Variants in MACF1 observed in about 807,000 individuals in gnomAD.
The protein encoded by MACF1 is microtubule actin crosslinking factor 1.
A neutral mutation model predicts 854.8 loss-of-function variants in MACF1; 193 were observed. The observed-to-expected ratio is 0.23, with a 90% confidence interval of 0.20 to 0.25. MACF1 has a LOEUF of 0.25. Ranked by LOEUF, MACF1 falls within the 10% of genes least tolerant of loss-of-function variation. The pLI is 1.00. For missense variants in MACF1, 7,722 were observed against 8,929.1 expected, an observed-to-expected ratio of 0.86 and a Z score of 5.45; for synonymous variants, 3,185 against 3,226.7, an observed-to-expected ratio of 0.99 and a Z score of 0.44.
intron 2 of MACF1, among the ~76,000 whole-genome samples, chr1:39,197,336 AAATT>A (rs1234025854): frequency 6.6e-6 from 1 of 152,166 alleles, no homozygotes; most frequent in Non-Finnish European, 1.5e-5. Flanking sequence ...TTATGAGAAT[AAATT>A]ACTTTGGTTA....
chr1:39,440,813 C>T (rs1644099806), intron 72 of MACF1, among the ~76,000 whole-genome samples, 190 bp from the exon 73 acceptor site: 1 of 151,958 alleles, frequency 6.6e-6, no homozygotes, highest in Non-Finnish European at 1.5e-5. Context: ...ATACATATAC[C>T]TATATGTAAT....
intron 58 of MACF1, chr1:39,412,227 T>C: frequency 6.2e-7 from 1 of 1,614,020 alleles, no homozygotes; most frequent in South Asian, 1.1e-5. Flanking sequence ...CCTTCAGTTT[T>C]GCTTTTAATC....
intron 2 of MACF1, among the ~76,000 whole-genome samples, chr1:39,129,728 C>T (rs1333281659): frequency 1.3e-5 from 2 of 152,154 alleles, no homozygotes; most frequent in African/African-American, 4.8e-5. Context: ...CCTGCTAACT[C>T]CTTTTGCCCC....
At chr1:39,479,772 T>TCA in intron 97 of MACF1, 26 bp from the exon 98 acceptor site, 1 of 1,581,060 alleles carries the variant, frequency 6.3e-7, no homozygotes, top group Non-Finnish European at 8.7e-7. Context: ...GAACTGACAT[T>TCA]GTGTGTGTGT....
At position 39,440,999 on chromosome 1, in the gene MACF1, G is replaced by A; in HGVS notation, c.18448-4G>A. The A allele has an allele frequency of 6.2e-7, 1 of 1,614,116 alleles. No individual in the cohort carries two copies. On this transcript the variant is annotated splice_region_variant and splice_polypyrimidine_tract_variant and intron_variant, in intron 72 of 100. Transcript: ENST00000564288. ...TGGCTTATATTCTATTCGTTTACAT[G>A]TAGACTATTAAGGAAGAGACAGATG...
chr1:39,408,406 C>T (rs868028975), intron 58 of MACF1, among the ~76,000 whole-genome samples: 24 of 152,136 alleles, frequency 1.6e-4, no homozygotes, highest in African/African-American at 5.6e-4. Context: ...GAGTGTTCTT[C>T]GGTCCGGCAA....
At chr1:39,417,205 T>A (rs958852253) in intron 58 of MACF1, among the ~76,000 whole-genome samples, 1 of 152,146 alleles carries the variant, frequency 6.6e-6, no homozygotes, top group African/African-American at 2.4e-5. Flanking sequence ...ACAACAGAGT[T>A]TGGTAGAACT....
chr1:39,344,129 GA>G (rs922184590), intron 40 of MACF1, among the ~76,000 whole-genome samples: 3 of 140,234 alleles, frequency 2.1e-5, no homozygotes, highest in African/African-American at 5.3e-5. Flanking sequence ...AAAAAAAAAA[GA>G]AAAAAAGTTT....
At position 39,322,639 on chromosome 1, in the gene MACF1, C is replaced by G. The variant is rs1237174888; in HGVS notation, c.4061C>G (p.Ala1354Gly). ...DYELQLMTYK[A>G]FVESQQKSPG... ...GAATTGCAACTGATGACATACAAGGCCTTTGTGGAATCGCAGCAGAAATCC... is the reference window on the plus strand; with the variant it reads ...GAATTGCAACTGATGACATACAAGGGCTTTGTGGAATCGCAGCAGAAATCC... Residue 1354 changes from alanine to glycine, a missense_variant, in exon 32 of 101, where the codon GCC becomes GGC. Ala to Gly is a moderately conservative substitution (Grantham distance 60). This residue lies in a region of MACF1 where 1,137 missense variants were observed against 1,263.0 expected (regional missense o/e 0.90). Coordinates refer to ENST00000564288, the MANE Select transcript of MACF1 (RefSeq NM_001394062.1). 1.2e-6 allele frequency: 2 copies of G among 1,613,974 alleles called. No homozygotes were observed. Among genetic ancestry groups the G allele is most frequent in the Non-Finnish European group, 1.7e-6 (2 of 1,179,984 alleles).
intron 2 of MACF1, among the ~76,000 whole-genome samples, chr1:39,115,103 G>A (rs1241547634): frequency 6.6e-6 from 1 of 152,130 alleles, no homozygotes; most frequent in Non-Finnish European, 1.5e-5. Flanking sequence ...TATAGAGCTT[G>A]GACTTTATCC....
At chr1:39,102,742 G>A (rs1642124505) in intron 2 of MACF1, 1 of 702,288 alleles carries the variant, frequency 1.4e-6, no homozygotes, top group Non-Finnish European at 2.6e-6. Context: ...CCCCATTGCA[G>A]CCTTCTTAGA....
chr1:39,161,991 G>C (rs755122580), intron 2 of MACF1, among the ~76,000 whole-genome samples: 4 of 151,830 alleles, frequency 2.6e-5, no homozygotes, highest in Non-Finnish European at 5.9e-5. Context: ...TCAGCTGGGG[G>C]TTTCAAGGCT....
intron 15 of MACF1, among the ~76,000 whole-genome samples, chr1:39,290,286 A>T (rs1207207289): frequency 6.6e-6 from 1 of 152,098 alleles, no homozygotes; most frequent in Non-Finnish European, 1.5e-5. Flanking sequence ...AATTGAAGAG[A>T]CTGTCCTTAC....
chr1:39,222,005 GGT>G (rs1644658282), intron 1 of MACF1, among the ~76,000 whole-genome samples: 1 of 152,122 alleles, frequency 6.6e-6, no homozygotes, highest in African/African-American at 2.4e-5. Flanking sequence ...CTGTTAGCCT[GGT>G]TGCTCATCAC....
chr1:39,456,501 A>G (rs545275986), intron 89 of MACF1, among the ~76,000 whole-genome samples: 2 of 152,304 alleles, frequency 1.3e-5, no homozygotes, highest in African/African-American at 2.4e-5. Flanking sequence ...ACGATGTTCC[A>G]TAGTTTAGGT....
intron 42 of MACF1, among the ~76,000 whole-genome samples, chr1:39,350,099 G>C (rs1174320832): frequency 3.9e-5 from 6 of 152,196 alleles, no homozygotes; most frequent in Non-Finnish European, 5.9e-5. Context: ...TATCTGTGAA[G>C]GAAAACTCAT....
At chr1:39,238,565 A>G (rs1644885631) in intron 2 of MACF1, among the ~76,000 whole-genome samples, 1 of 152,088 alleles carries the variant, frequency 6.6e-6, no homozygotes, top group Admixed American at 6.6e-5. Context: ...TGTCCCCTGA[A>G]CTTTGTAGTT....
intron 95 of MACF1, among the ~76,000 whole-genome samples, chr1:39,467,063 C>T (rs1644683853): frequency 6.6e-6 from 1 of 152,078 alleles, no homozygotes; most frequent in Non-Finnish European, 1.5e-5. Flanking sequence ...TTACAGTTGT[C>T]CTTTATAACT....
chr1:39,444,530 C>T lies in MACF1; in HGVS notation c.19432-132C>T, dbSNP rs550818436. On this transcript the variant is annotated intron_variant, in intron 79 of 100. Transcript: ENST00000564288. ...ATTCCCTTATGGCTCAGCACTTGAA[C>T]TGAATCCAAAAGAATGGCTTGTAAT... 1.0e-4 allele frequency: 70 copies of T among 668,724 alleles called. 2 individuals carry two copies. In the South Asian group the frequency reaches 1.7e-3, roughly 16 times the overall value. The allele number at this position is 668,724 out of a possible 1,614,324, so 41.4% of individuals were successfully genotyped here. A position where few individuals can be genotyped will look rare whatever the true frequency, so the allele number is the denominator to read the frequency against.
Sources: gnomAD v4.1 joint callset for allele counts (sites outside exome capture counted in the v4.1 genomes callset) on GRCh38, gnomAD v4.1.1 for gene constraint, gnomAD v4.1.1 regional missense constraint, MANE v1.5 for transcripts, NCBI Gene and HGNC (gene_info 2026-07-23, HGNC 2026-07-21) for gene names.